Variants in KCNIP4 observed in about 807,000 individuals in gnomAD.
The protein encoded by KCNIP4 is Kv channel-interacting protein 4.
In KCNIP4, 12 loss-of-function variants were observed where a neutral mutation model predicts 34.0. The ratio of observed to expected loss-of-function variants is 0.35; its 90% CI spans 0.23 to 0.57. The LOEUF (loss-of-function observed/expected upper bound fraction) is 0.57, where lower values mean the gene tolerates loss of function less well. Among genes scored for constraint, KCNIP4 ranks in the 20% least tolerant of loss-of-function variants. The pLI is 0.83. For missense variants in KCNIP4, 238 were observed against 311.7 expected, an observed-to-expected ratio of 0.76 and a Z score of 1.78; for synonymous variants, 124 against 102.2, an observed-to-expected ratio of 1.21 and a Z score of -1.29.
intron 1 of KCNIP4, among the ~76,000 whole-genome samples, chr4:20,893,316 T>C (rs1374881667): frequency 6.6e-6 from 1 of 152,182 alleles, no homozygotes; most frequent in Non-Finnish European, 1.5e-5. Flanking sequence ...ACATTTATGA[T>C]GGAAAGATTT....
chr4:20,770,723 C>A (rs899648766), intron 3 of KCNIP4, among the ~76,000 whole-genome samples: 4 of 152,118 alleles, frequency 2.6e-5, no homozygotes, highest in African/African-American at 9.7e-5. Flanking sequence ...CACCTGAGGT[C>A]AGGAGTTGGA....
chr4:21,447,608 C>T (rs923178245), intron 1 of KCNIP4, among the ~76,000 whole-genome samples: 1 of 152,100 alleles, frequency 6.6e-6, no homozygotes, highest in South Asian at 2.1e-4. Context: ...TACATACACA[C>T]CTATGATAAA....
At position 21,888,112 on chromosome 4, in the gene KCNIP4, G is replaced by C. The variant is rs191632415; in HGVS notation, c.61+60459C>G. Among the ~76,000 whole-genome samples, 1,408 of 152,200 alleles carry C rather than the reference G, an allele frequency of 9.3e-3. 17 individuals are homozygous for C. Among genetic ancestry groups the C allele is most frequent in the Non-Finnish European group, 0.011 (734 of 67,988 alleles). On this transcript the variant is annotated intron_variant, in intron 1 of 8. Coordinates refer to ENST00000382152, the MANE Select transcript of KCNIP4 (RefSeq NM_025221.6). ...ATGATTATTATCACCGCTTTACAGAGAAGAAAATTAAGGCAGAGAGAAGTT... is the reference window on the plus strand; with the variant it reads ...ATGATTATTATCACCGCTTTACAGACAAGAAAATTAAGGCAGAGAGAAGTT...
At chr4:20,786,914 G>T (rs911485092) in intron 3 of KCNIP4, among the ~76,000 whole-genome samples, 1 of 152,008 alleles carries the variant, frequency 6.6e-6, no homozygotes, top group African/African-American at 2.4e-5. Flanking sequence ...AACGTAAGAC[G>T]GGCCCGATAA....
At chr4:21,756,382 C>A (rs1398343213) in intron 1 of KCNIP4, among the ~76,000 whole-genome samples, 8 of 151,866 alleles carry the variant, frequency 5.3e-5, no homozygotes, top group Admixed American at 5.2e-4. Context: ...GATGAAACCC[C>A]ATGTCTACTA....
chr4:20,864,182 G>T (rs1422901126), intron 2 of KCNIP4, among the ~76,000 whole-genome samples: 1 of 72,036 alleles, frequency 1.4e-5, no homozygotes, highest in African/African-American at 3.4e-5. Flanking sequence ...ACACATGTAT[G>T]TATGCGTACA....
At chr4:20,930,993 A>G (rs1384877723) in intron 1 of KCNIP4, among the ~76,000 whole-genome samples, 3 of 152,064 alleles carry the variant, frequency 2.0e-5, no homozygotes, top group Non-Finnish European at 2.9e-5. Flanking sequence ...CAATGACCCA[A>G]CAATACCTTT....
At chr4:21,473,334 G>A (rs745788423) in intron 1 of KCNIP4, among the ~76,000 whole-genome samples, 1 of 152,094 alleles carries the variant, frequency 6.6e-6, no homozygotes, top group Non-Finnish European at 1.5e-5. Flanking sequence ...CGGGAACTGG[G>A]GCATCTAGCC....
At chr4:21,298,350 G>A (rs372291393) in intron 1 of KCNIP4, among the ~76,000 whole-genome samples, 8 of 152,154 alleles carry the variant, frequency 5.3e-5, no homozygotes, top group African/African-American at 1.9e-4. Flanking sequence ...TTAATTCAAT[G>A]CTGGATGCAC....
chr4:21,603,916 C>T (rs1276072902), intron 1 of KCNIP4, among the ~76,000 whole-genome samples: 3 of 151,732 alleles, frequency 2.0e-5, no homozygotes, highest in African/African-American at 7.3e-5. Flanking sequence ...GACTGATAGT[C>T]TTATAGTTTA....
intron 1 of KCNIP4, among the ~76,000 whole-genome samples, chr4:21,247,055 T>C (rs1425335): frequency 0.47 from 71,318 of 151,906 alleles, 17,947 homozygotes; most frequent in African/African-American, 0.66. Context: ...ATAACTTAAC[T>C]CAAATCAGCA....
intron 1 of KCNIP4, among the ~76,000 whole-genome samples, chr4:21,434,821 G>T (rs1423596923): frequency 6.6e-6 from 1 of 150,786 alleles, no homozygotes; most frequent in African/African-American, 2.4e-5. Context: ...GTGGCGAAAA[G>T]GTTGGGGACC....
At chr4:21,089,854 G>A (rs1746828889) in intron 1 of KCNIP4, among the ~76,000 whole-genome samples, 2 of 152,056 alleles carry the variant, frequency 1.3e-5, no homozygotes, top group Non-Finnish European at 2.9e-5. Context: ...ACCCCAAAAT[G>A]CAAAGCCTGA....
At chr4:20,969,934 A>T (rs1734756992) in intron 1 of KCNIP4, among the ~76,000 whole-genome samples, 1 of 150,422 alleles carries the variant, frequency 6.6e-6, no homozygotes, top group Non-Finnish European at 1.5e-5. Context: ...ACAAATGAAA[A>T]TATTATCAGC....
At chr4:21,554,655 C>T (rs571380806) in intron 1 of KCNIP4, among the ~76,000 whole-genome samples, 1 of 152,048 alleles carries the variant, frequency 6.6e-6, no homozygotes, top group Non-Finnish European at 1.5e-5. Context: ...CCCCAGTGTG[C>T]CCCCTCACTC....
chr4:21,346,812 T>C (rs1182148444), intron 1 of KCNIP4, among the ~76,000 whole-genome samples: 2 of 151,918 alleles, frequency 1.3e-5, no homozygotes, highest in African/African-American at 4.8e-5. Context: ...AACTATAACA[T>C]ACAATTTAAG....
chr4:21,652,909 G>A (rs1213195983), intron 1 of KCNIP4, among the ~76,000 whole-genome samples: 1 of 152,148 alleles, frequency 6.6e-6, no homozygotes, highest in Non-Finnish European at 1.5e-5. Context: ...GCAATGTGGA[G>A]CAATCATCCA....
intron 1 of KCNIP4, among the ~76,000 whole-genome samples, chr4:21,254,381 T>C (rs1043852956): frequency 6.6e-6 from 1 of 152,182 alleles, no homozygotes; most frequent in African/African-American, 2.4e-5. Context: ...GAGCATCTTA[T>C]ATGAGCATCA....
intron 1 of KCNIP4, among the ~76,000 whole-genome samples, chr4:21,822,763 G>A (rs943858022): frequency 2.0e-5 from 3 of 149,352 alleles, no homozygotes; most frequent in African/African-American, 7.4e-5. Flanking sequence ...TTTCACCCAG[G>A]CTGGAGCGCG....
Sources: gnomAD v4.1 joint callset for allele counts (sites outside exome capture counted in the v4.1 genomes callset) on GRCh38, gnomAD v4.1.1 for gene constraint, MANE v1.5 for transcripts, NCBI Gene and HGNC (gene_info 2026-07-23, HGNC 2026-07-21) for gene names.